CADM2: variants seen among roughly 807,000 people sequenced by gnomAD.
CADM2 encodes the protein immunoglobulin superfamily member 4D.
Under a neutral mutation model 49.8 loss-of-function variants are expected in CADM2, and 12 were observed. The ratio of observed to expected loss-of-function variants is 0.24; its 90% CI spans 0.15 to 0.39. The LOEUF is 0.39. Among genes scored for constraint, CADM2 ranks in the 10% least tolerant of loss-of-function variants. The pLI is 1.00. For synonymous variants in CADM2, 214 were observed against 175.4 expected, an observed-to-expected ratio of 1.22 and a Z score of -1.74; for missense variants, 378 against 492.3, an observed-to-expected ratio of 0.77 and a Z score of 2.20.
At chr3:85,535,910 AG>A (rs780483992) in intron 1 of CADM2, among the ~76,000 whole-genome samples, 1 of 152,134 alleles carries the variant, frequency 6.6e-6, no homozygotes, top group Non-Finnish European at 1.5e-5. Flanking sequence ...TAGAAGGAAT[AG>A]TATTTTAGGC....
At chr3:85,478,227 T>C (rs1010085064) in intron 1 of CADM2, among the ~76,000 whole-genome samples, 5 of 151,928 alleles carry the variant, frequency 3.3e-5, no homozygotes, top group African/African-American at 1.2e-4. Context: ...TAAAGTTCTC[T>C]AATTTGAAAT....
At chr3:85,300,718 A>C (rs2106987526) in intron 1 of CADM2, among the ~76,000 whole-genome samples, 1 of 152,220 alleles carries the variant, frequency 6.6e-6, no homozygotes, top group Non-Finnish European at 1.5e-5. Flanking sequence ...TCTGTACAAT[A>C]AAACAGAAGC....
chr3:85,473,983 T>A (rs2038875202), intron 1 of CADM2, among the ~76,000 whole-genome samples: 1 of 152,000 alleles, frequency 6.6e-6, no homozygotes, highest in Non-Finnish European at 1.5e-5. Flanking sequence ...ATTCTCTTTC[T>A]TGCATTCCCT....
At chr3:85,634,759 A>T (rs2064410507) in intron 1 of CADM2, among the ~76,000 whole-genome samples, 1 of 152,090 alleles carries the variant, frequency 6.6e-6, no homozygotes, top group African/African-American at 2.4e-5. Flanking sequence ...TTTAGATGCA[A>T]ATTTCTAATT....
At chr3:85,854,705 C>T (rs2075239877) in intron 3 of CADM2, among the ~76,000 whole-genome samples, 1 of 151,974 alleles carries the variant, frequency 6.6e-6, no homozygotes, top group African/African-American at 2.4e-5. Flanking sequence ...GTGCAGCAAA[C>T]CATATATAGC....
At chr3:85,505,627 C>G (rs1225307693) in intron 1 of CADM2, among the ~76,000 whole-genome samples, 1 of 152,138 alleles carries the variant, frequency 6.6e-6, no homozygotes, top group African/African-American at 2.4e-5. Flanking sequence ...AACTAAGTCA[C>G]AGAACCTTTG....
At chr3:85,407,324 T>C (rs1367698495) in intron 1 of CADM2, among the ~76,000 whole-genome samples, 4 of 152,192 alleles carry the variant, frequency 2.6e-5, no homozygotes, top group African/African-American at 4.8e-5. Flanking sequence ...GGCACCCTCC[T>C]GTCCTTACAG....
At chr3:85,043,457 A>T (rs1198190020) in intron 1 of CADM2, among the ~76,000 whole-genome samples, 2 of 151,972 alleles carry the variant, frequency 1.3e-5, no homozygotes, top group African/African-American at 4.8e-5. Flanking sequence ...AGGCATGAGG[A>T]TCGCTTAAGG....
rs397938377 is a variant in CADM2, at chr3:85,772,008, CTTTTT to C, written c.89-30023_89-30019del. Among the ~76,000 whole-genome samples the C allele has an allele frequency of 9.2e-4, 103 of 112,218 alleles. 2 individuals carry two copies. Among genetic ancestry groups the C allele is most frequent in the South Asian group, 6.8e-3 (23 of 3,382 alleles). The allele number at this position is 112,218 out of a possible 152,430, so 73.6% of individuals were successfully genotyped here. On this transcript the variant is annotated intron_variant, in intron 2 of 9. Coordinates refer to ENST00000383699, the MANE Select transcript of CADM2 (RefSeq NM_001167675.2). ...GTAGTATTGTATTTTTTCTTTCTTT[CTTTTT>C]TTTTTTTTTTTTTTTGGTACGTGTA...
chr3:85,117,283 A>G lies in CADM2; in HGVS notation c.61+157615A>G, dbSNP rs532918826. On this transcript the variant is annotated intron_variant, in intron 1 of 9. Transcript: ENST00000383699. ...TTTTCTTCTAAATATGATGGTCAAA[A>G]GTAATTCTCAGTCTTTTGAAAATAG... is the stretch of plus-strand genomic sequence containing the variant. 6.8e-4 allele frequency among the ~76,000 whole-genome samples: 103 copies of G among 152,242 alleles called. No homozygotes were observed. The South Asian group carries it at 0.019, about 29-fold the overall frequency.
At chr3:85,248,734 A>G (rs1239384542) in intron 1 of CADM2, among the ~76,000 whole-genome samples, 1 of 152,218 alleles carries the variant, frequency 6.6e-6, no homozygotes, top group African/African-American at 2.4e-5. Context: ...AATCGAAAGT[A>G]GGTTAATGAT....
intron 8 of CADM2, among the ~76,000 whole-genome samples, chr3:86,041,361 G>T (rs1022598134): frequency 1.3e-5 from 2 of 152,094 alleles, no homozygotes; most frequent in African/African-American, 4.8e-5. Flanking sequence ...GACACACATA[G>T]GCTCAAAATA....
At chr3:85,379,578 A>G (rs945131614) in intron 1 of CADM2, among the ~76,000 whole-genome samples, 1 of 151,886 alleles carries the variant, frequency 6.6e-6, no homozygotes, top group Non-Finnish European at 1.5e-5. Context: ...TGCTTTAATG[A>G]TATCAGCTGT....
intron 1 of CADM2, among the ~76,000 whole-genome samples, chr3:85,310,548 A>C (rs150958035): frequency 6.6e-6 from 1 of 152,300 alleles, no homozygotes; most frequent in East Asian, 1.9e-4. Flanking sequence ...TGACTTTAAG[A>C]GTCACTATTT....
chr3:85,201,218 C>T (rs147612102), intron 1 of CADM2, among the ~76,000 whole-genome samples: 18 of 152,148 alleles, frequency 1.2e-4, no homozygotes, highest in African/African-American at 4.1e-4. Context: ...ATGTTTGTTC[C>T]AGATCACCAC....
chr3:86,066,850 C>G lies in CADM2; in HGVS notation c.*67C>G. 3 of 1,086,866 alleles carry G rather than the reference C, an allele frequency of 2.8e-6. No individual in the cohort carries two copies. In the East Asian group the frequency reaches 7.1e-5, roughly 26 times the overall value. 67.3% of individuals were successfully genotyped at this position (1,086,866 alleles called of 1,614,324 possible). A position where few individuals can be genotyped will look rare whatever the true frequency, so the allele number is the denominator to read the frequency against. Reference sequence around the variant, plus strand: ...CTGGAGAAAACTGGCTATCATCTTTCAGAAGTCATTTCTACCATCGTCTGC... The same window carrying G: ...CTGGAGAAAACTGGCTATCATCTTTGAGAAGTCATTTCTACCATCGTCTGC... On this transcript the variant is annotated 3_prime_UTR_variant, in exon 10 of 10. Coordinates refer to ENST00000383699, the MANE Select transcript of CADM2 (RefSeq NM_001167675.2).
intron 3 of CADM2, among the ~76,000 whole-genome samples, chr3:85,840,937 T>TA (rs2074612524): frequency 6.6e-6 from 1 of 151,824 alleles, no homozygotes; most frequent in South Asian, 2.1e-4. Context: ...AAGCTGAAAG[T>TA]AACTACATAT....
At chr3:85,374,860 C>T (rs893798349) in intron 1 of CADM2, among the ~76,000 whole-genome samples, 3 of 152,122 alleles carry the variant, frequency 2.0e-5, no homozygotes, top group Non-Finnish European at 4.4e-5. Context: ...CCTCCCATGA[C>T]ACATGGGGAT....
chr3:85,601,169 T>G (rs201663531), intron 1 of CADM2, among the ~76,000 whole-genome samples: 1 of 75,924 alleles, frequency 1.3e-5, no homozygotes, highest in Non-Finnish European at 2.6e-5. Flanking sequence ...TATATATATA[T>G]ATATACACAC....
Sources: allele counts gnomAD v4.1 joint callset (sites outside exome capture counted in the v4.1 genomes callset), GRCh38; gene constraint gnomAD v4.1.1; transcripts MANE v1.5; gene names NCBI Gene and HGNC (gene_info 2026-07-23, HGNC 2026-07-21).